CDC6: variants seen among roughly 807,000 people sequenced by gnomAD.
CDC6 encodes the protein DNA replication factor CDC6.
CDC6 carries 46 observed loss-of-function variants against 60.2 expected under a neutral mutation model. The ratio of observed to expected loss-of-function variants is 0.76; its 90% CI spans 0.60 to 0.98. The LOEUF (loss-of-function observed/expected upper bound fraction) is 0.98, where lower values mean the gene tolerates loss of function less well. CDC6 is among the 50% of genes least tolerant of loss of function. The pLI is 0.00. For synonymous variants in CDC6, 210 were observed against 233.2 expected (o/e 0.90, Z 0.90); for missense variants, 596 against 652.9 (o/e 0.91, Z 0.95).
At chr17:40,295,487 TAA>T (rs540753983) in intron 8 of CDC6, 31 bp downstream of exon 8, 12,513 of 1,080,678 alleles carry the variant, frequency 0.012, no homozygotes, top group Non-Finnish European at 0.013. Flanking sequence ...ATTCTTTTAT[TAA>T]AAAAAAAAAA....
At chr17:40,293,678 C>T in intron 5 of CDC6, 47 bp downstream of exon 5, 1 of 1,420,040 alleles carries the variant, frequency 7.0e-7, no homozygotes, top group Non-Finnish European at 1.0e-6. Context: ...TCTGCAAGGT[C>T]TGTTGCCCAT....
At chr17:40,299,091 TTTC>T (rs151168510) in intron 9 of CDC6, among the ~76,000 whole-genome samples, 14,386 of 150,676 alleles carry the variant, frequency 0.095, 2,400 homozygotes, top group African/African-American at 0.34. Context: ...ACAGAACACA[TTTC>T]TTTGTCTTGG....
rs1195984644 is a variant in CDC6, at chr17:40,293,480, A to G, written c.685A>G (p.Ile229Val). 14 of 1,614,038 alleles carry G rather than the reference A, an allele frequency of 8.7e-6. No individual in the cohort carries two copies. Among genetic ancestry groups the G allele is most frequent in the Admixed American group, 1.7e-5 (1 of 60,006 alleles). ...GAAGGAACTGAAAGGCTTTAAAACT[A>G]TCATGCTGAATTGCATGTCCTTGAG... is the stretch of plus-strand genomic sequence containing the variant. ...LKKELKGFKT[I>V]MLNCMSLRTA... The change falls in exon 5 of 12, where the codon ATC becomes GTC. Residue 229 changes from isoleucine (I) to valine (V), a missense_variant. Ile to Val is a conservative substitution (Grantham distance 29). Transcript: ENST00000209728.
At chr17:40,288,586 A>ATT (rs1177950375) in intron 1 of CDC6, among the ~76,000 whole-genome samples, 9 of 136,608 alleles carry the variant, frequency 6.6e-5, no homozygotes, top group South Asian at 2.4e-4. Context: ...CGTCCGGCTA[A>ATT]TTTTTTTTTT....
intron 2 of CDC6, 105 bp downstream of exon 2, chr17:40,289,703 CTTT>C (rs34020648): frequency 0.012 from 3,904 of 317,998 alleles, no homozygotes; most frequent in East Asian, 0.021. Flanking sequence ...GTTAAGACTT[CTTT>C]TTTTTTTTTT....
chr17:40,295,526 T>G, intron 8 of CDC6, 70 bp downstream of exon 8: 1 of 1,067,826 alleles, frequency 9.4e-7, no homozygotes, highest in South Asian at 1.3e-5. Flanking sequence ...TTGTCTCATG[T>G]AACTCAAGTG....
chr17:40,294,659 A>T (rs1176953157), intron 7 of CDC6, among the ~76,000 whole-genome samples, 156 bp downstream of exon 7: 1 of 151,896 alleles, frequency 6.6e-6, no homozygotes, highest in Non-Finnish European at 1.5e-5. Context: ...TGTGAATTTC[A>T]GCTTCATTCA....
intron 9 of CDC6, among the ~76,000 whole-genome samples, chr17:40,297,522 T>A (rs2032875435): frequency 6.6e-6 from 1 of 152,094 alleles, no homozygotes. Flanking sequence ...ACTTAAAACC[T>A]AGATGACAGG....
chr17:40,301,675 G>T, intron 11 of CDC6, 67 bp downstream of exon 11: 1 of 1,536,588 alleles, frequency 6.5e-7, no homozygotes, highest in Admixed American at 1.7e-5. Context: ...TAAAGTAAAG[G>T]TTTATTGTTA....
At position 40,304,061 on chromosome 17, in the gene CDC6, G is replaced by T. The variant is rs1415275145; in HGVS notation, c.*2060G>T. 4.6e-5 allele frequency: 7 copies of T among 152,226 alleles called. No homozygotes were observed. 9.4% of individuals were successfully genotyped at this position (152,226 alleles called of 1,614,324 possible). A position where few individuals can be genotyped will look rare whatever the true frequency, so the allele number is the denominator to read the frequency against. On this transcript the variant is annotated 3_prime_UTR_variant, in exon 12 of 12. Transcript: ENST00000209728. ...CCTGGCTTCCAGCCAAAATCACATT[G>T]GTAGATTCAAAGGGGCCAAATTTCT... is the stretch of plus-strand genomic sequence containing the variant.
rs1055375330 is a variant in CDC6, at chr17:40,302,095, A to G, written c.*94A>G. 2.1e-5 allele frequency: 17 copies of G among 793,104 alleles called. No homozygotes were observed. The highest frequency in any genetic ancestry group is 5.3e-5 in the Admixed American group (3 of 56,340). The allele number at this position is 793,104 out of a possible 1,614,324, so 49.1% of individuals were successfully genotyped here. Reference sequence around the variant, plus strand: ...GCTTTACACATTCGGGCCTGAAAACAAATATGACCTTTTTTACTTGAAGCC... The same window carrying G: ...GCTTTACACATTCGGGCCTGAAAACGAATATGACCTTTTTTACTTGAAGCC... On this transcript the variant is annotated 3_prime_UTR_variant, in exon 12 of 12. Coordinates refer to ENST00000209728, the MANE Select transcript of CDC6 (RefSeq NM_001254.4).
intron 1 of CDC6, 156 bp from the exon 2 acceptor site, chr17:40,289,252 T>C (rs952615846): frequency 3.1e-5 from 21 of 679,582 alleles, no homozygotes; most frequent in South Asian, 1.3e-4. Context: ...TGTTCTTGCA[T>C]AGATTTGGAT....
rs760800715 is a variant in CDC6 at position 40,303,144 on chromosome 17, T to A, written c.*1143T>A. 6.6e-6 allele frequency: 1 copy of A among 152,158 alleles called. No homozygotes were observed. Among genetic ancestry groups the A allele is most frequent in the African/African-American group, 2.4e-5 (1 of 41,436 alleles). 9.4% of individuals were successfully genotyped at this position (152,158 alleles called of 1,614,324 possible). A position where few individuals can be genotyped will look rare whatever the true frequency, so the allele number is the denominator to read the frequency against. On this transcript the variant is annotated 3_prime_UTR_variant, in exon 12 of 12. Transcript: ENST00000209728. ...TTAATCAAGAGCCTTCTGGGTTTGG[T>A]TTGGTGGCATTAAATGGCAATTTGT...
chr17:40,302,356 T>G lies in CDC6; in HGVS notation c.*355T>G, dbSNP rs996277170. The G allele has an allele frequency of 4.9e-5, 13 of 267,868 alleles. No individual in the cohort carries two copies. The highest frequency in any genetic ancestry group is 2.0e-4 in the Admixed American group (4 of 19,596). The allele number at this position is 267,868 out of a possible 1,614,324, so 16.6% of individuals were successfully genotyped here. ...AGTGGGTATTTTTTTGTTTGTTTTT[T>G]TTGTTGTTGTTGTTTTTGAGGCGCG... On this transcript the variant is annotated 3_prime_UTR_variant, in exon 12 of 12. Transcript: ENST00000209728.
At chr17:40,292,119 C>T (rs548920488) in intron 4 of CDC6, among the ~76,000 whole-genome samples, 2 of 152,264 alleles carry the variant, frequency 1.3e-5, no homozygotes, top group Admixed American at 1.3e-4. Flanking sequence ...TCACTGCAGC[C>T]TTGACCTCTT....
chr17:40,301,882 G>T (rs752255241), intron 11 of CDC6, 30 bp from the exon 12 acceptor site: 1 of 1,395,388 alleles, frequency 7.2e-7, no homozygotes, highest in Non-Finnish European at 1.0e-6. Context: ...GAGTTCCCCA[G>T]TGTGAAAAAT....
chr17:40,301,770 A>G (rs531474962), intron 11 of CDC6, 142 bp from the exon 12 acceptor site: 1 of 945,840 alleles, frequency 1.1e-6, no homozygotes, highest in African/African-American at 1.6e-5. Flanking sequence ...TGATATGAAT[A>G]TTTTTTCAAG....
intron 9 of CDC6, among the ~76,000 whole-genome samples, 188 bp downstream of exon 9, chr17:40,296,955 A>T (rs2032868261): frequency 1.3e-5 from 2 of 152,118 alleles, no homozygotes; most frequent in South Asian, 4.1e-4. Context: ...TTCGTGCATT[A>T]CTGGAAATGA....
rs67162965 is a variant in CDC6 at position 40,299,138 on chromosome 17, C to CTTTTTTTTTTTTTTTTTTTTT, written c.1250-1682_1250-1662dup. On this transcript the variant is annotated intron_variant, in intron 9 of 11. Coordinates refer to ENST00000209728, the MANE Select transcript of CDC6 (RefSeq NM_001254.4). ...CATCTCCAAACGATAAGGCCATAGTCTTTTTTTTTTTTTTTTTTTTTTTTT... is the reference window on the plus strand; with the variant it reads ...CATCTCCAAACGATAAGGCCATAGTCTTTTTTTTTTTTTTTTTTTTTTTTTTTTTTTTTTTTTTTTTTTTTT... Among the ~76,000 whole-genome samples the CTTTTTTTTTTTTTTTTTTTTT allele has an allele frequency of 3.1e-4, 19 of 60,780 alleles. 2 individuals carry two copies. The highest frequency in any genetic ancestry group is 6.2e-4 in the African/African-American group (8 of 13,002). The allele number at this position is 60,780 out of a possible 152,430, so 39.9% of individuals were successfully genotyped here. A position where few individuals can be genotyped will look rare whatever the true frequency, so the allele number is the denominator to read the frequency against.
Sources: allele counts gnomAD v4.1 joint callset (sites outside exome capture counted in the v4.1 genomes callset), GRCh38; gene constraint gnomAD v4.1.1; transcripts MANE v1.5; gene names NCBI Gene and HGNC (gene_info 2026-07-23, HGNC 2026-07-21).